The following LPCAT2 variants were observed in gnomAD, a reference collection of about 807,000 sequenced individuals.
The protein encoded by LPCAT2 is 1-AGP acyltransferase 11.
A neutral mutation model predicts 64.7 loss-of-function variants in LPCAT2; 58 were observed. The observed-to-expected ratio is 0.90, with a 90% CI of 0.73 to 1.12. The LOEUF (loss-of-function observed/expected upper bound fraction) is 1.12. Among genes scored for constraint, LPCAT2 ranks in the 50% most tolerant of loss-of-function variants. The pLI, the probability that LPCAT2 is intolerant of heterozygous loss-of-function variation, is 0.00. For synonymous variants in LPCAT2, 252 were observed against 245.3 expected (o/e 1.03, Z -0.26); for missense variants, 579 against 669.8 (o/e 0.86, Z 1.50).
At chr16:55,579,318 A>G (rs748546011) in intron 13 of LPCAT2, 74 bp downstream of exon 13, 2 of 1,413,820 alleles carry the variant, frequency 1.4e-6, no homozygotes, top group Non-Finnish European at 1.9e-6. Flanking sequence ...GCTCAAGAGT[A>G]CTGTTTCTCT....
rs749598536 is a variant in LPCAT2 at position 55,509,201 on chromosome 16, C to T, written c.20C>T (p.Ala7Val). The stretch of plus-strand genomic sequence containing the variant: ...TCAACTATGAGCCGGTGCGCCCAGG[C>T]GGCGGAAGTGGCGGCCACAGTGCCA... The part of the protein sequence containing the change: MSRCAQ[A>V]AEVAATVPGA... The change falls in exon 1 of 14, where the codon GCG becomes GTG. Residue 7 changes from alanine to valine, a missense_variant. Physicochemically the swap from Ala to Val is moderately conservative, Grantham distance 64. Coordinates refer to ENST00000262134, the MANE Select transcript of LPCAT2 (RefSeq NM_017839.5). 2 of 1,410,262 alleles carry T rather than the reference C, an allele frequency of 1.4e-6. No homozygotes were observed. The highest frequency in any genetic ancestry group is 1.6e-5 in the South Asian group (1 of 64,054). The allele number at this position is 1,410,262 out of a possible 1,614,324, so 87.4% of individuals were successfully genotyped here. A position where few individuals can be genotyped will look rare whatever the true frequency, so the allele number is the denominator to read the frequency against.
At chr16:55,568,148 T>TA (rs5817019) in intron 11 of LPCAT2, among the ~76,000 whole-genome samples, 83,461 of 127,340 alleles carry the variant, frequency 0.66, 23,247 homozygotes, top group East Asian at 0.78. Context: ...GTTTCTTTAG[T>TA]AAAAAAAAGC....
chr16:55,583,180 T>C lies in LPCAT2; in HGVS notation c.*82T>C. 2 of 1,004,232 alleles carry C rather than the reference T, an allele frequency of 2.0e-6. No individual in the cohort carries two copies. Among genetic ancestry groups the C allele is most frequent in the South Asian group, 2.2e-5 (1 of 45,132 alleles). 62.2% of individuals were successfully genotyped at this position (1,004,232 alleles called of 1,614,324 possible). ...CTTATTGATAATACTTTTAATGTGT[T>C]GGTAATGATGTTTAAAATTGAAAGA... is the stretch of plus-strand genomic sequence containing the variant. On this transcript the variant is annotated 3_prime_UTR_variant, in exon 14 of 14. Coordinates refer to ENST00000262134, the MANE Select transcript of LPCAT2 (RefSeq NM_017839.5).
At chr16:55,530,011 T>C in intron 4 of LPCAT2, 64 bp downstream of exon 4, 2 of 1,199,704 alleles carry the variant, frequency 1.7e-6, no homozygotes, top group South Asian at 1.4e-5. Context: ...TATGTAGACT[T>C]ACTCATTTGG....
Position 55,549,340 on chromosome 16 carries a change from A to G in LPCAT2, c.999A>G (p.Gly333=), listed in dbSNP as rs1181215610. The change falls in exon 10 of 14, where the codon GGA becomes GGG. Residue 333 remains glycine (G), a synonymous_variant. Transcript: ENST00000262134. ...YEDCRLMISA[G]QLTLPMEAGL... is the part of the protein sequence containing the mutation. ...ACTGCAGATTGATGATTTCAGCAGG[A>G]CAGCTAACATTGCCTATGGAAGCTG... 4 of 1,605,348 alleles carry G rather than the reference A, an allele frequency of 2.5e-6. No individual in the cohort carries two copies. The highest frequency in any genetic ancestry group is 3.4e-6 in the Non-Finnish European group (4 of 1,176,538).
chr16:55,541,113 A>AC (rs1963390558), intron 8 of LPCAT2: 1 of 152,102 alleles, frequency 6.6e-6, no homozygotes, highest in Admixed American at 6.6e-5. Flanking sequence ...ATGTGTTTGG[A>AC]CCATGGTTGA....
intron 8 of LPCAT2, among the ~76,000 whole-genome samples, chr16:55,544,557 C>G (rs1334595120): frequency 6.6e-6 from 1 of 152,170 alleles, no homozygotes; most frequent in East Asian, 1.9e-4. Context: ...TGTAAAACAC[C>G]TAGCATGATG....
At chr16:55,576,654 G>A (rs1021886237) in intron 12 of LPCAT2, among the ~76,000 whole-genome samples, 2 of 152,152 alleles carry the variant, frequency 1.3e-5, no homozygotes, top group Admixed American at 6.5e-5. Context: ...GGCCATGTGC[G>A]TGATGGGAAA....
At chr16:55,525,417 A>G in intron 1 of LPCAT2, 91 bp from the exon 2 acceptor site, 2 of 1,126,102 alleles carry the variant, frequency 1.8e-6, no homozygotes, top group South Asian at 1.6e-5. Context: ...ATGCATGAAC[A>G]CCATAAAACT....
chr16:55,562,903 G>T (rs1360171403), intron 11 of LPCAT2, among the ~76,000 whole-genome samples: 1 of 151,744 alleles, frequency 6.6e-6, no homozygotes, highest in African/African-American at 2.4e-5. Context: ...TAGTATTAAA[G>T]GTAGGATTTC....
In LPCAT2 at chr16:55,584,710, A is replaced by C. The variant is rs185917801; in HGVS notation, c.*1612A>C. ...ATGAGAGATGTTGAAGTATGTATTT[A>C]ATCAAGAGTCATGATTTCAAACTAG... On this transcript the variant is annotated 3_prime_UTR_variant, in exon 14 of 14. Coordinates refer to ENST00000262134, the MANE Select transcript of LPCAT2 (RefSeq NM_017839.5). 4 of 152,292 alleles carry C rather than the reference A, an allele frequency of 2.6e-5. No homozygotes were observed. Among genetic ancestry groups the C allele is most frequent in the African/African-American group, 9.6e-5 (4 of 41,572 alleles). The allele number at this position is 152,292 out of a possible 1,614,324, so 9.4% of individuals were successfully genotyped here.
chr16:55,510,071 A>G (rs1440522987), intron 1 of LPCAT2, among the ~76,000 whole-genome samples: 1 of 145,858 alleles, frequency 6.9e-6, no homozygotes, highest in Non-Finnish European at 1.5e-5. Flanking sequence ...CAGAGAGCCT[A>G]GGTCTGTGGT....
intron 9 of LPCAT2, 68 bp downstream of exon 9, chr16:55,545,885 A>G (rs1447457636): frequency 2.1e-5 from 27 of 1,270,352 alleles, no homozygotes; most frequent in Non-Finnish European, 2.9e-5. Context: ...CGTTTAACTC[A>G]TTTTAAGGAT....
intron 8 of LPCAT2, among the ~76,000 whole-genome samples, chr16:55,544,217 CT>C (rs1250305175): frequency 1.5e-5 from 2 of 130,260 alleles, no homozygotes; most frequent in Non-Finnish European, 3.3e-5. Context: ...ATTGACAAGA[CT>C]TGAAAACAGG....
At chr16:55,567,260 T>C (rs1435842912) in intron 11 of LPCAT2, 1 of 1,613,710 alleles carries the variant, frequency 6.2e-7, no homozygotes. Context: ...ATTCTGGGTC[T>C]CTGGGAAGTT....
At chr16:55,580,060 C>T (rs1963872125) in intron 13 of LPCAT2, among the ~76,000 whole-genome samples, 2 of 152,264 alleles carry the variant, frequency 1.3e-5, no homozygotes, top group East Asian at 3.9e-4. Context: ...GTCAAGCTGG[C>T]TTATCTTCCC....
At chr16:55,537,265 C>A (rs1432473818) in intron 7 of LPCAT2, among the ~76,000 whole-genome samples, 1 of 152,066 alleles carries the variant, frequency 6.6e-6, no homozygotes, top group Non-Finnish European at 1.5e-5. Flanking sequence ...GTGGCTCACA[C>A]CTGTAGTCTC....
intron 10 of LPCAT2, among the ~76,000 whole-genome samples, chr16:55,549,889 G>T (rs924331655): frequency 2.0e-5 from 3 of 151,936 alleles, no homozygotes; most frequent in African/African-American, 7.3e-5. Flanking sequence ...TCTTCTTCCT[G>T]CTCTTTTGAT....
intron 5 of LPCAT2, chr16:55,532,368 A>G (rs1963265881): frequency 6.0e-6 from 1 of 165,820 alleles, no homozygotes; most frequent in Non-Finnish European, 1.3e-5. Flanking sequence ...ATAATTTTTA[A>G]TACTTTAAAA....
Sources: gnomAD v4.1 joint callset for allele counts (sites outside exome capture counted in the v4.1 genomes callset) on GRCh38, gnomAD v4.1.1 for gene constraint, MANE v1.5 for transcripts, NCBI Gene and HGNC (gene_info 2026-07-23, HGNC 2026-07-21) for gene names.